GK5: variants seen among roughly 807,000 people sequenced by gnomAD.
GK5 encodes the protein glycerol kinase 5, also known as ATP:glycerol 3-phosphotransferase 5.
A neutral mutation model predicts 77.3 loss-of-function variants in GK5; 39 were observed. The observed-to-expected ratio is 0.50, with a 90% CI of 0.39 to 0.66. The LOEUF (loss-of-function observed/expected upper bound fraction) is 0.66, where lower values mean the gene tolerates loss of function less well. Among genes scored for constraint, GK5 ranks in the 30% least tolerant of loss-of-function variants. The pLI is 0.00. For synonymous variants in GK5, 211 were observed against 208.0 expected (o/e 1.01, Z -0.13); for missense variants, 487 against 633.8 (o/e 0.77, Z 2.49).
At chr3:142,209,053 G>A (rs1454507828) in intron 3 of GK5, among the ~76,000 whole-genome samples, 2 of 152,034 alleles carry the variant, frequency 1.3e-5, no homozygotes, top group Non-Finnish European at 2.9e-5. Flanking sequence ...GGAGGCTGAG[G>A]CAGGAGAATG....
chr3:142,204,703 G>T lies in GK5; in HGVS notation c.403C>A (p.Leu135Ile). ...CACAAGAAAAAGATTACCTTCATAA[G>T]AAGAGAATTATTCCAAGATTTTACA... ...ELVKSWNNSL[L>I]MKIFHSSCRV... The change falls in exon 4 of 16, where the codon CTT becomes ATT. Residue 135 changes from leucine (L) to isoleucine (I), a missense_variant. Leu to Ile is a conservative substitution (Grantham distance 5). This residue lies in a region of GK5 where 323 missense variants were observed against 437.4 expected (regional missense o/e 0.74). Transcript: ENST00000392993. 6.6e-7 allele frequency: 1 copy of T among 1,517,442 alleles called. No homozygotes were observed. 94.0% of individuals were successfully genotyped at this position (1,517,442 alleles called of 1,614,324 possible). A position where few individuals can be genotyped will look rare whatever the true frequency, so the allele number is the denominator to read the frequency against.
At chr3:142,212,872 C>T (rs2064211463) in intron 3 of GK5, among the ~76,000 whole-genome samples, 1 of 125,596 alleles carries the variant, frequency 8.0e-6, no homozygotes, top group East Asian at 2.2e-4. Context: ...GTCTCGCTGT[C>T]GCCCAGGCTG....
At chr3:142,177,848 G>GT (rs1262581032) in intron 11 of GK5, among the ~76,000 whole-genome samples, 1 of 145,850 alleles carries the variant, frequency 6.9e-6, no homozygotes, top group East Asian at 2.0e-4. Flanking sequence ...CAGGACTTAC[G>GT]TTTTTTTTCT....
chr3:142,200,711 T>C (rs368496649), intron 4 of GK5, among the ~76,000 whole-genome samples: 3 of 152,200 alleles, frequency 2.0e-5, no homozygotes, highest in African/African-American at 7.2e-5. Flanking sequence ...GGTGAGGTCA[T>C]ACAAAAATAT....
chr3:142,213,123 C>T (rs1017761499), intron 3 of GK5, among the ~76,000 whole-genome samples: 11 of 152,006 alleles, frequency 7.2e-5, no homozygotes, highest in South Asian at 2.1e-4. Flanking sequence ...CGTGAGCCAC[C>T]GCTCCTGGCC....
intron 5 of GK5, among the ~76,000 whole-genome samples, chr3:142,197,405 C>G (rs1366832550): frequency 5.3e-5 from 8 of 152,152 alleles, no homozygotes; most frequent in Admixed American, 5.2e-4. Context: ...GTTTTAAAGT[C>G]TATACTACCT....
At position 142,193,793 on chromosome 3, in the gene GK5, T is replaced by G. The variant is rs376661331; in HGVS notation, c.543+5009A>C. Among the ~76,000 whole-genome samples, 17 of 152,296 alleles carry G rather than the reference T, an allele frequency of 1.1e-4. 1 individual carries two copies. In the East Asian group the frequency reaches 2.3e-3, roughly 21 times the overall value. On this transcript the variant is annotated intron_variant, in intron 5 of 15. Transcript: ENST00000392993. ...TCTCGCTCTGTTGCCCAGGCTGGAG[T>G]GCAATGGTGTGATCTCAGCTCACTG...
chr3:142,217,896 T>G (rs1333947671), intron 1 of GK5, among the ~76,000 whole-genome samples: 1 of 152,098 alleles, frequency 6.6e-6, no homozygotes, highest in Admixed American at 6.6e-5. Flanking sequence ...AAAATCCCAA[T>G]AGTATTTTTT....
intron 12 of GK5, among the ~76,000 whole-genome samples, chr3:142,176,294 T>G (rs1374615173): frequency 6.6e-6 from 1 of 152,030 alleles, no homozygotes; most frequent in East Asian, 1.9e-4. Context: ...AAACCCAAAC[T>G]CAAATTTTGG....
chr3:142,221,694 T>C (rs181954983), intron 1 of GK5, among the ~76,000 whole-genome samples: 3 of 152,318 alleles, frequency 2.0e-5, no homozygotes, highest in East Asian at 3.9e-4. Context: ...CTGGGGAACA[T>C]GATAAATATT....
chr3:142,172,978 G>A (rs2063558683), intron 12 of GK5: 1 of 221,874 alleles, frequency 4.5e-6, no homozygotes. Context: ...CAAGGAGGGA[G>A]GATTGCTTCA....
rs1279972987 is a variant in GK5, at chr3:142,162,046, T to G, written c.*3576A>C. ...AACTCCTGAGCTGAAGTGATCCGCCTGCCTTGGCCTCCCAAAGTGCTAGGA... is the reference window on the plus strand; with the variant it reads ...AACTCCTGAGCTGAAGTGATCCGCCGGCCTTGGCCTCCCAAAGTGCTAGGA... On this transcript the variant is annotated 3_prime_UTR_variant, in exon 16 of 16. Coordinates refer to ENST00000392993, the MANE Select transcript of GK5 (RefSeq NM_001039547.3). 2.0e-5 allele frequency: 3 copies of G among 152,122 alleles called. No homozygotes were observed. The East Asian group carries it at 5.8e-4, about 29-fold the overall frequency. The allele number at this position is 152,122 out of a possible 1,614,324, so 9.4% of individuals were successfully genotyped here.
At chr3:142,219,655 C>T (rs1310775183) in intron 1 of GK5, among the ~76,000 whole-genome samples, 1 of 152,148 alleles carries the variant, frequency 6.6e-6, no homozygotes, top group Non-Finnish European at 1.5e-5. Context: ...AACTATACAC[C>T]AAAAGTCGAT....
In GK5 at chr3:142,164,572, GAC is replaced by G. The variant is rs1408623826; in HGVS notation, c.*1048_*1049del. 2.0e-5 allele frequency: 3 copies of G among 152,186 alleles called. No homozygotes were observed. Among genetic ancestry groups the G allele is most frequent in the African/African-American group, 4.8e-5 (2 of 41,444 alleles). The allele number at this position is 152,186 out of a possible 1,614,324, so 9.4% of individuals were successfully genotyped here. A position where few individuals can be genotyped will look rare whatever the true frequency, so the allele number is the denominator to read the frequency against. ...TGGCTAAAGGGCAATCCTGAGCATAGACACACTCTCCTCCCTTCTATCAGCTG... is the reference window on the plus strand; with the variant it reads ...TGGCTAAAGGGCAATCCTGAGCATAGACACTCTCCTCCCTTCTATCAGCTG... On this transcript the variant is annotated 3_prime_UTR_variant, in exon 16 of 16. Transcript: ENST00000392993.
chr3:142,209,453 T>C (rs2064161965), intron 3 of GK5, among the ~76,000 whole-genome samples: 2 of 152,202 alleles, frequency 1.3e-5, no homozygotes, highest in Admixed American at 1.3e-4. Flanking sequence ...TCTAGAATAC[T>C]GATTTTTCAA....
intron 11 of GK5, among the ~76,000 whole-genome samples, chr3:142,180,464 G>T (rs112548664): frequency 1.3e-5 from 2 of 151,750 alleles, no homozygotes; most frequent in African/African-American, 4.8e-5. Flanking sequence ...CACCATGCCC[G>T]GCTAATTTTG....
At chr3:142,215,295 T>A (rs778337588) in intron 2 of GK5, among the ~76,000 whole-genome samples, 1 of 152,218 alleles carries the variant, frequency 6.6e-6, no homozygotes, top group Non-Finnish European at 1.5e-5. Flanking sequence ...TATAATCCTC[T>A]GGTATTTTGT....
At chr3:142,168,401 A>G (rs1343924508) in intron 15 of GK5, among the ~76,000 whole-genome samples, 2 of 152,234 alleles carry the variant, frequency 1.3e-5, no homozygotes, top group Non-Finnish European at 2.9e-5. Context: ...TAATCAATGA[A>G]CAAATGAAAG....
At chr3:142,201,801 G>A (rs1219346290) in intron 4 of GK5, among the ~76,000 whole-genome samples, 1 of 152,096 alleles carries the variant, frequency 6.6e-6, no homozygotes, top group African/African-American at 2.4e-5. Context: ...AGGGATCTCT[G>A]TACTGTTTCT....
Sources: gnomAD v4.1 joint callset for allele counts (sites outside exome capture counted in the v4.1 genomes callset) on GRCh38, gnomAD v4.1.1 for gene constraint, gnomAD v4.1.1 regional missense constraint, MANE v1.5 for transcripts, NCBI Gene and HGNC (gene_info 2026-07-23, HGNC 2026-07-21) for gene names.